The following ADAMTSL1 variants were observed in gnomAD, a reference collection of about 807,000 sequenced individuals.
The protein encoded by ADAMTSL1 is ADAMTS like 1.
ADAMTSL1 carries 126 observed loss-of-function variants against 201.8 expected under a neutral mutation model. That is an observed-to-expected ratio of 0.62 (90% CI 0.54 to 0.72). The LOEUF (loss-of-function observed/expected upper bound fraction) is 0.72. Among genes scored for constraint, ADAMTSL1 ranks in the 30% least tolerant of loss-of-function variants. The pLI, the probability that ADAMTSL1 is intolerant of heterozygous loss-of-function variation, is 0.00. For missense variants in ADAMTSL1, 2,679 were observed against 2,277.8 expected (o/e 1.18, Z -3.59); for synonymous variants, 1,121 against 903.4 (o/e 1.24, Z -4.32).
chr9:18,504,175 C>T (rs1363160004), intron 1 of ADAMTSL1, among the ~76,000 whole-genome samples: 1 of 152,080 alleles, frequency 6.6e-6, no homozygotes, highest in Non-Finnish European at 1.5e-5. Flanking sequence ...CACATTTTAT[C>T]TTTTTCTTGA....
intron 7 of ADAMTSL1, among the ~76,000 whole-genome samples, chr9:18,655,834 A>AAAAAAAAAAAAAAAAAC (rs1828618730): frequency 9.1e-6 from 1 of 109,410 alleles, no homozygotes; most frequent in African/African-American, 3.1e-5. Flanking sequence ...AAAAAAAAAA[A>AAAAAAAAAAAAAAAAAC]AAAGAACTTT....
chr9:18,028,130 G>A (rs1820778555), intron 1 of ADAMTSL1, among the ~76,000 whole-genome samples: 1 of 152,064 alleles, frequency 6.6e-6, no homozygotes, highest in African/African-American at 2.4e-5. Context: ...CTTGAAGACA[G>A]CAGAGTGTTA....
At chr9:18,860,035 A>C (rs2131411651) in intron 23 of ADAMTSL1, among the ~76,000 whole-genome samples, 1 of 152,338 alleles carries the variant, frequency 6.6e-6, no homozygotes, top group African/African-American at 2.4e-5. Context: ...GTGTGATTGG[A>C]AAGAGAGACA....
At chr9:18,300,648 C>A (rs762984552) in intron 2 of ADAMTSL1, among the ~76,000 whole-genome samples, 2 of 151,990 alleles carry the variant, frequency 1.3e-5, no homozygotes, top group African/African-American at 4.8e-5. Flanking sequence ...ATTTCTAAAG[C>A]CGCTCTTCAT....
At chr9:18,558,058 G>A (rs768454813) in intron 3 of ADAMTSL1, among the ~76,000 whole-genome samples, 54 of 152,002 alleles carry the variant, frequency 3.6e-4, no homozygotes, top group South Asian at 2.1e-4. Flanking sequence ...CGTGCAGAAC[G>A]TGCAGGTTTG....
chr9:18,649,044 T>C (rs1828016598), intron 7 of ADAMTSL1, among the ~76,000 whole-genome samples: 1 of 152,166 alleles, frequency 6.6e-6, no homozygotes, highest in Non-Finnish European at 1.5e-5. Context: ...GCAGATTTGG[T>C]CTTTTCACAT....
At chr9:18,375,956 G>A (rs1161489299) in intron 2 of ADAMTSL1, among the ~76,000 whole-genome samples, 1 of 152,070 alleles carries the variant, frequency 6.6e-6, no homozygotes, top group Non-Finnish European at 1.5e-5. Context: ...CAAACCTCTA[G>A]CTAGCCACAG....
chr9:18,049,266 C>T (rs887647903), intron 1 of ADAMTSL1, among the ~76,000 whole-genome samples: 2 of 152,278 alleles, frequency 1.3e-5, no homozygotes, highest in Admixed American at 1.3e-4. Context: ...CAATGTAACT[C>T]ATTACATAGT....
At chr9:18,160,631 C>A (rs760149154) in intron 1 of ADAMTSL1, among the ~76,000 whole-genome samples, 6 of 151,744 alleles carry the variant, frequency 4.0e-5, no homozygotes. Context: ...GAATCCTGGT[C>A]TGAGCATGGG....
intron 1 of ADAMTSL1, among the ~76,000 whole-genome samples, chr9:18,039,377 C>T (rs1383178120): frequency 6.6e-6 from 1 of 152,034 alleles, no homozygotes; most frequent in Non-Finnish European, 1.5e-5. Context: ...ACGGATAATG[C>T]CTTCCTACAG....
intron 2 of ADAMTSL1, among the ~76,000 whole-genome samples, chr9:18,453,991 A>G (rs1820512130): frequency 6.6e-6 from 1 of 152,250 alleles, no homozygotes; most frequent in South Asian, 2.1e-4. Context: ...CCAGAGAGAC[A>G]GAACCAATAT....
chr9:17,962,679 AC>A, intron 1 of ADAMTSL1, among the ~76,000 whole-genome samples: 1 of 152,338 alleles, frequency 6.6e-6, no homozygotes, highest in South Asian at 2.1e-4. Flanking sequence ...AATTCATTGG[AC>A]CAATTACATT....
At chr9:18,842,745 A>G (rs1825809397) in intron 23 of ADAMTSL1, among the ~76,000 whole-genome samples, 1 of 152,122 alleles carries the variant, frequency 6.6e-6, no homozygotes, top group African/African-American at 2.4e-5. Flanking sequence ...TATATTTAGG[A>G]TAGTTAGCTC....
chr9:18,356,568 C>T (rs1836244294), intron 2 of ADAMTSL1, among the ~76,000 whole-genome samples: 1 of 144,152 alleles, frequency 6.9e-6, no homozygotes, highest in Admixed American at 7.0e-5. Context: ...CATCTGCAGC[C>T]TAAAAAATTT....
chr9:18,482,342 G>T (rs542567809), intron 1 of ADAMTSL1, among the ~76,000 whole-genome samples: 10 of 152,290 alleles, frequency 6.6e-5, no homozygotes, highest in African/African-American at 2.2e-4. Context: ...TAAGTGGTAT[G>T]TTTGCCAATT....
chr9:18,587,058 A>C (rs1206689528), intron 4 of ADAMTSL1, among the ~76,000 whole-genome samples: 2 of 152,158 alleles, frequency 1.3e-5, no homozygotes, highest in African/African-American at 4.8e-5. Flanking sequence ...TTCGTGGCAA[A>C]GATGCCGAAA....
chr9:18,154,827 G>A (rs1232190005), intron 1 of ADAMTSL1, among the ~76,000 whole-genome samples: 1 of 152,076 alleles, frequency 6.6e-6, no homozygotes, highest in Non-Finnish European at 1.5e-5. Flanking sequence ...TATGCATTAA[G>A]TAGAAACCTT....
At chr9:17,971,999 A>G (rs1818222746) in intron 1 of ADAMTSL1, among the ~76,000 whole-genome samples, 1 of 151,754 alleles carries the variant, frequency 6.6e-6, no homozygotes, top group Non-Finnish European at 1.5e-5. Context: ...AAAATTATAT[A>G]TATTTAAGGC....
chr9:18,083,205 T>C (rs1013217111), intron 1 of ADAMTSL1, among the ~76,000 whole-genome samples: 2 of 152,196 alleles, frequency 1.3e-5, no homozygotes, highest in South Asian at 4.1e-4. Flanking sequence ...TTTAGGGCCA[T>C]TGAAACAGTG....
Sources: gnomAD v4.1 joint callset for allele counts (sites outside exome capture counted in the v4.1 genomes callset) on GRCh38, gnomAD v4.1.1 for gene constraint, MANE v1.5 for transcripts, NCBI Gene and HGNC (gene_info 2026-07-23, HGNC 2026-07-21) for gene names.